ADGRB3: variants seen among roughly 807,000 people sequenced by gnomAD.
The protein encoded by ADGRB3 is adhesion G protein-coupled receptor B3, also known as brain-specific angiogenesis inhibitor 3.
A neutral mutation model predicts 193.4 loss-of-function variants in ADGRB3; 37 were observed. The ratio of observed to expected loss-of-function variants is 0.19; its 90% CI spans 0.15 to 0.25. ADGRB3 has a LOEUF of 0.25. Among genes scored for constraint, ADGRB3 ranks in the 10% least tolerant of loss-of-function variants. The probability of loss-of-function intolerance (pLI) is 1.00; values close to 1 mark genes in which losing one functional copy is unlikely to be tolerated. For missense variants in ADGRB3, 1,637 were observed against 1,852.9 expected (o/e 0.88, Z 2.14); for synonymous variants, 690 against 644.2 (o/e 1.07, Z -1.08).
At chr6:68,934,042 A>G (rs902328470) in intron 4 of ADGRB3, among the ~76,000 whole-genome samples, 1 of 152,134 alleles carries the variant, frequency 6.6e-6, no homozygotes, top group Non-Finnish European at 1.5e-5. Flanking sequence ...ACAATGGCCT[A>G]ATGTGCTTGA....
At chr6:68,741,809 A>C (rs930172756) in intron 3 of ADGRB3, among the ~76,000 whole-genome samples, 2 of 152,210 alleles carry the variant, frequency 1.3e-5, no homozygotes, top group Non-Finnish European at 2.9e-5. Flanking sequence ...CAACCTAAAC[A>C]TTTTTGCTTC....
intron 10 of ADGRB3, 80 bp from the exon 11 acceptor site, chr6:68,993,688 A>G (rs1379650470): frequency 7.1e-7 from 1 of 1,415,066 alleles, no homozygotes; most frequent in African/African-American, 1.4e-5. Flanking sequence ...AGCAATTTTA[A>G]ATAAAGTTGT....
At chr6:68,655,923 T>C (rs1768480230) in intron 3 of ADGRB3, among the ~76,000 whole-genome samples, 1 of 151,626 alleles carries the variant, frequency 6.6e-6, no homozygotes. Flanking sequence ...CTCAATCATA[T>C]TGAAGTTTAA....
At chr6:68,863,445 AT>A (rs1434098646) in intron 3 of ADGRB3, among the ~76,000 whole-genome samples, 2 of 152,058 alleles carry the variant, frequency 1.3e-5, no homozygotes, top group African/African-American at 4.8e-5. Context: ...AAACTGATAC[AT>A]TTTATTAAAA....
At chr6:69,358,224 C>T (rs1769374334) in intron 28 of ADGRB3, among the ~76,000 whole-genome samples, 1 of 151,854 alleles carries the variant, frequency 6.6e-6, no homozygotes, top group Admixed American at 6.6e-5. Flanking sequence ...CACCTGAGAA[C>T]TTATTAGAAA....
At chr6:69,021,001 AC>A (rs1208488006) in intron 13 of ADGRB3, among the ~76,000 whole-genome samples, 4 of 151,974 alleles carry the variant, frequency 2.6e-5, no homozygotes, top group African/African-American at 9.7e-5. Context: ...ATAAATAGAG[AC>A]TATTTTATAG....
At position 68,930,622 on chromosome 6, in the gene ADGRB3, G is replaced by A. The variant is rs748456125; in HGVS notation, c.821G>A (p.Arg274Lys). The A allele has an allele frequency of 6.2e-7, 1 of 1,612,294 alleles. No individual in the cohort carries two copies. The highest frequency in any genetic ancestry group is 8.5e-7 in the Non-Finnish European group (1 of 1,179,070). Residue 274 changes from arginine to lysine, a missense_variant, in exon 4 of 32, where the codon AGG becomes AAG. Arg to Lys is a conservative substitution (Grantham distance 26, BLOSUM62 2). Transcript: ENST00000370598. ...CGACCTCGATCTGTTCATGAAAAAA[G>A]GGTCCCTCAGGAACAAGCTGATGCT... The part of the protein sequence containing the change: ...SQRPRSVHEK[R>K]VPQEQADAAK...
chr6:68,721,635 TA>T (rs1439924983), intron 3 of ADGRB3, among the ~76,000 whole-genome samples: 7 of 132,112 alleles, frequency 5.3e-5, no homozygotes, highest in African/African-American at 2.5e-4. Context: ...TAAATATATA[TA>T]TATATATATA....
intron 20 of ADGRB3, among the ~76,000 whole-genome samples, chr6:69,282,020 T>C (rs1767447743): frequency 6.6e-6 from 1 of 152,130 alleles, no homozygotes; most frequent in Middle Eastern, 3.4e-3. Context: ...CTCATAAAGA[T>C]AAAAGTCTGG....
chr6:68,759,423 T>A (rs530609122), intron 3 of ADGRB3, among the ~76,000 whole-genome samples: 1 of 152,254 alleles, frequency 6.6e-6, no homozygotes, highest in African/African-American at 2.4e-5. Flanking sequence ...ATTTTACATA[T>A]ATTGCCTAAC....
chr6:69,332,516 G>A (rs751068932), intron 23 of ADGRB3: 53 of 985,212 alleles, frequency 5.4e-5, no homozygotes, highest in Non-Finnish European at 6.1e-5. Context: ...TGCTGCCAGG[G>A]CTCACCCTAA....
intron 4 of ADGRB3, among the ~76,000 whole-genome samples, chr6:68,936,040 C>T (rs1403737549): frequency 1.3e-5 from 2 of 152,106 alleles, no homozygotes; most frequent in Non-Finnish European, 2.9e-5. Flanking sequence ...AAATTAGATG[C>T]GTCCAAGCTC....
intron 10 of ADGRB3, among the ~76,000 whole-genome samples, chr6:68,980,553 C>T (rs1208483073): frequency 2.0e-5 from 3 of 151,592 alleles, no homozygotes; most frequent in Non-Finnish European, 4.4e-5. Context: ...CATTTTATTA[C>T]TTCAGCTTAT....
intron 3 of ADGRB3, among the ~76,000 whole-genome samples, chr6:68,737,456 T>G (rs1278205889): frequency 1.3e-5 from 2 of 152,162 alleles, no homozygotes; most frequent in African/African-American, 4.8e-5. Flanking sequence ...TTCTCAATAA[T>G]AAGTGTTTTG....
At chr6:68,902,329 G>A (rs191688771) in intron 3 of ADGRB3, among the ~76,000 whole-genome samples, 161 of 152,116 alleles carry the variant, frequency 1.1e-3, no homozygotes, top group Non-Finnish European at 2.0e-3. Flanking sequence ...CAAGCCATCT[G>A]TAGTAATTTT....
chr6:68,955,595 G>C (rs1438549755), intron 6 of ADGRB3, among the ~76,000 whole-genome samples: 1 of 152,170 alleles, frequency 6.6e-6, no homozygotes, highest in Non-Finnish European at 1.5e-5. Flanking sequence ...TTTGAGACCA[G>C]CCTGACCAAC....
At chr6:68,701,957 G>A (rs1765249477) in intron 3 of ADGRB3, among the ~76,000 whole-genome samples, 2 of 152,084 alleles carry the variant, frequency 1.3e-5, no homozygotes, top group African/African-American at 4.8e-5. Flanking sequence ...CAAGCTACGG[G>A]ATACAGGAGT....
chr6:69,311,586 C>T (rs1327785216), intron 20 of ADGRB3, among the ~76,000 whole-genome samples: 1 of 151,688 alleles, frequency 6.6e-6, no homozygotes, highest in Non-Finnish European at 1.5e-5. Flanking sequence ...TGCATCTGAC[C>T]CAACTGTTAT....
At chr6:68,643,834 G>A (rs1393813677) in intron 3 of ADGRB3, among the ~76,000 whole-genome samples, 8 of 151,346 alleles carry the variant, frequency 5.3e-5, no homozygotes, top group African/African-American at 9.7e-5. Context: ...TTGGGAGGCC[G>A]AGGTAGAGAA....
Sources: allele counts gnomAD v4.1 joint callset (sites outside exome capture counted in the v4.1 genomes callset), GRCh38; gene constraint gnomAD v4.1.1; transcripts MANE v1.5; gene names NCBI Gene and HGNC (gene_info 2026-07-23, HGNC 2026-07-21).